Variants in LRRC7 observed in about 807,000 individuals in gnomAD.
The protein encoded by LRRC7 is leucine rich repeat containing 7, also known as leucine-rich repeat-containing protein 7.
Under a neutral mutation model 175.7 loss-of-function variants are expected in LRRC7, and 23 were observed. The observed-to-expected ratio is 0.13, with a 90% CI of 0.09 to 0.19. The LOEUF (loss-of-function observed/expected upper bound fraction) is 0.19, where lower values mean the gene tolerates loss of function less well. LRRC7 is among the 10% of genes least tolerant of loss of function. The pLI is 1.00. For synonymous variants in LRRC7, 685 were observed against 680.9 expected (o/e 1.01, Z -0.09); for missense variants, 1,354 against 1,904.7 (o/e 0.71, Z 5.38).
intron 7 of LRRC7, among the ~76,000 whole-genome samples, chr1:69,885,361 A>G (rs1179690592): frequency 2.0e-5 from 3 of 146,722 alleles, no homozygotes; most frequent in Admixed American, 6.7e-5. Flanking sequence ...GTATGTTTCG[A>G]GGAATTTATC....
chr1:69,768,332 C>T (rs1671847190), intron 3 of LRRC7, among the ~76,000 whole-genome samples: 1 of 152,158 alleles, frequency 6.6e-6, no homozygotes, highest in East Asian at 1.9e-4. Flanking sequence ...TTGGTTTTTC[C>T]ACTGCCAGGC....
chr1:70,091,630 T>C (rs984539975), intron 25 of LRRC7, among the ~76,000 whole-genome samples: 4 of 152,186 alleles, frequency 2.6e-5, no homozygotes, highest in African/African-American at 9.7e-5. Flanking sequence ...ATCTCAGGCT[T>C]TCAAATCATT....
chr1:69,954,193 G>GGA (rs994474775), intron 8 of LRRC7, among the ~76,000 whole-genome samples: 1 of 151,878 alleles, frequency 6.6e-6, no homozygotes, highest in Non-Finnish European at 1.5e-5. Flanking sequence ...GGTGGGGAGG[G>GGA]GAGAGAGCAT....
At chr1:69,897,388 T>C (rs1001475567) in intron 7 of LRRC7, among the ~76,000 whole-genome samples, 1 of 152,182 alleles carries the variant, frequency 6.6e-6, no homozygotes, top group Non-Finnish European at 1.5e-5. Flanking sequence ...CCTTACAATC[T>C]GTCTATAATT....
At chr1:69,843,707 C>T (rs757482941) in intron 7 of LRRC7, among the ~76,000 whole-genome samples, 20 of 152,070 alleles carry the variant, frequency 1.3e-4, no homozygotes, top group Non-Finnish European at 2.1e-4. Flanking sequence ...TAAAACTTAA[C>T]TGGACATACT....
intron 5 of LRRC7, among the ~76,000 whole-genome samples, chr1:69,828,569 T>A (rs1172726242): frequency 2.0e-5 from 3 of 152,144 alleles, no homozygotes; most frequent in African/African-American, 7.2e-5. Context: ...TATTGCTTTA[T>A]ACATTAAAGG....
At chr1:69,948,776 C>T (rs919597612) in intron 8 of LRRC7, among the ~76,000 whole-genome samples, 3 of 152,114 alleles carry the variant, frequency 2.0e-5, no homozygotes, top group Admixed American at 2.0e-4. Context: ...TTCTTAAGGC[C>T]TAAAGCTTTA....
In LRRC7 at chr1:70,124,577, G is replaced by A. The variant is rs991002997; in HGVS notation, c.*2690G>A. 1.3e-5 allele frequency among the ~76,000 whole-genome samples: 2 copies of A among 151,818 alleles called. No individual in the cohort carries two copies. The highest frequency in any genetic ancestry group is 2.9e-5 in the Non-Finnish European group (2 of 67,944). On this transcript the variant is annotated 3_prime_UTR_variant, in exon 27 of 27. Transcript: ENST00000651989. Reference sequence around the variant, plus strand: ...AGTAGAAAAGAGGCAATTTTTTTTAGGTTGACTGAATAGAATCACTAAACA... The same window carrying A: ...AGTAGAAAAGAGGCAATTTTTTTTAAGTTGACTGAATAGAATCACTAAACA...
At chr1:69,636,010 TGGTA>T (rs1385668507) in intron 1 of LRRC7, among the ~76,000 whole-genome samples, 1 of 152,026 alleles carries the variant, frequency 6.6e-6, no homozygotes, top group African/African-American at 2.4e-5. Flanking sequence ...CTTTTTAAGT[TGGTA>T]GGTAAAATAT....
chr1:69,645,993 G>A (rs567436576), intron 1 of LRRC7, among the ~76,000 whole-genome samples: 4 of 152,146 alleles, frequency 2.6e-5, no homozygotes, highest in African/African-American at 9.6e-5. Flanking sequence ...TGGAATAATA[G>A]CTTGTTATAG....
At chr1:69,733,321 C>A (rs1285466192) in intron 2 of LRRC7, among the ~76,000 whole-genome samples, 1 of 151,974 alleles carries the variant, frequency 6.6e-6, no homozygotes, top group Non-Finnish European at 1.5e-5. Flanking sequence ...CCTTGTTCCA[C>A]TTCTCTGTGA....
intron 11 of LRRC7, among the ~76,000 whole-genome samples, chr1:70,010,455 C>T (rs1036950239): frequency 5.9e-5 from 9 of 152,072 alleles, no homozygotes; most frequent in Non-Finnish European, 1.2e-4. Context: ...ATCCCAGCTA[C>T]TTGGGAGGCT....
intron 4 of LRRC7, among the ~76,000 whole-genome samples, chr1:69,795,933 A>G (rs1456589576): frequency 1.4e-5 from 2 of 142,914 alleles, no homozygotes; most frequent in Admixed American, 1.4e-4. Flanking sequence ...TTTTTTTCTT[A>G]TTTTGTTTTT....
chr1:69,732,315 C>T (rs11209527), intron 2 of LRRC7, among the ~76,000 whole-genome samples: 21,261 of 151,544 alleles, frequency 0.14, 3,821 homozygotes, highest in African/African-American at 0.42. Flanking sequence ...GATAGATTTA[C>T]ACAATCTAAT....
At chr1:69,589,004 T>TGTGTGC (rs1646515513) in intron 1 of LRRC7, among the ~76,000 whole-genome samples, 1 of 151,486 alleles carries the variant, frequency 6.6e-6, no homozygotes, top group African/African-American at 2.4e-5. Flanking sequence ...TGTGTGTGTG[T>TGTGTGC]GTGTGCGTGC....
chr1:69,925,901 A>T (rs1285763410), intron 7 of LRRC7, among the ~76,000 whole-genome samples: 4 of 139,506 alleles, frequency 2.9e-5, no homozygotes, highest in Admixed American at 1.5e-4. Context: ...TTAGGGTGTC[A>T]ATTTTGGATC....
intron 1 of LRRC7, among the ~76,000 whole-genome samples, chr1:69,613,019 A>G (rs1039394187): frequency 3.9e-5 from 6 of 152,032 alleles, no homozygotes; most frequent in Non-Finnish European, 7.4e-5. Context: ...ATGCTACTTC[A>G]TCTTCCTGAA....
In LRRC7 at chr1:70,018,701, T is replaced by C. The variant is rs1657175258; in HGVS notation, c.1321-18T>C. 2 of 1,566,000 alleles carry C rather than the reference T, an allele frequency of 1.3e-6. No homozygotes were observed. The highest frequency in any genetic ancestry group is 1.8e-6 in the Non-Finnish European group (2 of 1,137,956). ...TTTGCAATTGTATTCATCTAATTTG[T>C]ATGTTCTTTGCTTCTAGTCCAAAGC... On this transcript the variant is annotated intron_variant, in intron 14 of 26. Coordinates refer to ENST00000651989, the MANE Select transcript of LRRC7 (RefSeq NM_001370785.2).
chr1:69,796,113 C>G (rs1165816793), intron 4 of LRRC7, among the ~76,000 whole-genome samples: 1 of 95,464 alleles, frequency 1.0e-5, no homozygotes, highest in Non-Finnish European at 2.0e-5. Flanking sequence ...CCTCCCCCCT[C>G]CCCCCTCCCC....
Sources: allele counts gnomAD v4.1 joint callset (sites outside exome capture counted in the v4.1 genomes callset), GRCh38; gene constraint gnomAD v4.1.1; transcripts MANE v1.5; gene names NCBI Gene and HGNC (gene_info 2026-07-23, HGNC 2026-07-21).